CCNL2: variants seen among roughly 807,000 people sequenced by gnomAD.
CCNL2 encodes cyclin-L2.
CCNL2 carries 28 observed loss-of-function variants against 59.1 expected under a neutral mutation model. The ratio of observed to expected loss-of-function variants is 0.47; its 90% CI spans 0.35 to 0.65. The LOEUF (loss-of-function observed/expected upper bound fraction) is 0.65. Ranked by LOEUF, CCNL2 falls within the 30% of genes least tolerant of loss-of-function variation. The pLI is 0.00. For synonymous variants in CCNL2, 342 were observed against 288.6 expected (o/e 1.19, Z -1.88); for missense variants, 714 against 717.4 (o/e 1.00, Z 0.05).
chr1:1,394,559 G>A (rs560418163), intron 4 of CCNL2, among the ~76,000 whole-genome samples: 6 of 151,876 alleles, frequency 4.0e-5, no homozygotes, highest in East Asian at 3.9e-4. Context: ...AGACCAGCCC[G>A]GCCAACATGA....
chr1:1,394,701 GA>G (rs960395413), intron 4 of CCNL2, among the ~76,000 whole-genome samples: 16 of 136,838 alleles, frequency 1.2e-4, no homozygotes, highest in African/African-American at 3.8e-4. Context: ...AGTGAGCCAA[GA>G]TTGCACCACT....
intron 8 of CCNL2, chr1:1,388,439 T>TGG: frequency 4.5e-6 from 2 of 440,432 alleles, no homozygotes; most frequent in Non-Finnish European, 9.0e-6. Context: ...AAGAATCGCT[T>TGG]GGACCCAGGA....
intron 4 of CCNL2, 93 bp from the exon 5 acceptor site, chr1:1,393,553 A>G: frequency 2.7e-6 from 3 of 1,124,422 alleles, no homozygotes; most frequent in Non-Finnish European, 4.0e-6. Context: ...AAGAGCCTCA[A>G]GCTAGATCCC....
At chr1:1,398,954 C>T (rs1441453337) in intron 1 of CCNL2, 65 bp downstream of exon 1, 1 of 1,494,614 alleles carries the variant, frequency 6.7e-7, no homozygotes, top group Admixed American at 2.2e-5. Context: ...CCCGACTCGC[C>T]GCCAACAAAG....
chr1:1,392,972 G>T, intron 5 of CCNL2: 1 of 699,630 alleles, frequency 1.4e-6, no homozygotes, highest in South Asian at 1.8e-5. Flanking sequence ...TGCACTTTAG[G>T]GTTCCTTTCT....
chr1:1,392,210 A>G (rs1644799217), intron 5 of CCNL2: 1 of 573,778 alleles, frequency 1.7e-6, no homozygotes, highest in Non-Finnish European at 2.2e-6. Context: ...TTCGGTGTCT[A>G]ATCAACAACT....
At chr1:1,398,868 G>C in intron 1 of CCNL2, 151 bp downstream of exon 1, 1 of 1,399,600 alleles carries the variant, frequency 7.1e-7, no homozygotes. Context: ...CAGGGGCATG[G>C]GCTGGCTAGG....
Position 1,386,865 on chromosome 1 carries a change from G to GT in CCNL2, c.*365dup. ...ATCTTTCTTGGCTTCACGTAATTGA[G>GT]TATCAGTCGGGGAGTGGAGAGCGGC... On this transcript the variant is annotated 3_prime_UTR_variant, in exon 11 of 11. Transcript: ENST00000400809. 1 of 205,728 alleles carries GT rather than the reference G, an allele frequency of 4.9e-6. No homozygotes were observed. The highest frequency in any genetic ancestry group is 9.1e-6 in the Non-Finnish European group (1 of 110,108). The allele number at this position is 205,728 out of a possible 1,614,324, so 12.7% of individuals were successfully genotyped here.
chr1:1,398,340 A>G lies in CCNL2; in HGVS notation c.366T>C (p.His122=). 3 of 1,614,000 alleles carry G rather than the reference A, an allele frequency of 1.9e-6. No individual in the cohort carries two copies. The highest frequency in any genetic ancestry group is 2.5e-6 in the Non-Finnish European group (3 of 1,179,950). Reference sequence around the variant, plus strand: ...CCAGGTGGACACAGGCCATTGACACATGCTGAAGCGGAAGCATTGCAACAC... The same window carrying G: ...CCAGGTGGACACAGGCCATTGACACGTGCTGAAGCGGAAGCATTGCAACAC... ...TKSFVKHSME[H]VSMACVHLAS... The change falls in exon 3 of 11, where the codon CAT becomes CAC. Residue 122 remains histidine, a splice_region_variant and synonymous_variant. Coordinates refer to ENST00000400809, the MANE Select transcript of CCNL2 (RefSeq NM_030937.6).
At position 1,388,168 on chromosome 1, in the gene CCNL2, C is replaced by T. The variant is rs546582270; in HGVS notation, c.1007-103G>A. The T allele has an allele frequency of 2.6e-5, 22 of 851,850 alleles. No homozygotes were observed. In the East Asian group the frequency reaches 2.7e-4, roughly 10 times the overall value. 52.8% of individuals were successfully genotyped at this position (851,850 alleles called of 1,614,324 possible). ...GGCCCCTCTACAGGTCAAACAGCGA[C>T]GCAAGCAGACTGTAACTTCCGGCTC... On this transcript the variant is annotated intron_variant, in intron 8 of 10. Transcript: ENST00000400809.
intron 4 of CCNL2, 189 bp downstream of exon 4, chr1:1,395,205 A>G: frequency 1.9e-6 from 1 of 534,302 alleles, no homozygotes; most frequent in Non-Finnish European, 3.2e-6. Context: ...GTGTTACTAA[A>G]ATAAACAGCT....
rs1569979461 is a variant in CCNL2 at position 1,395,339 on chromosome 1, GC to G, written c.594+54del. The G allele has an allele frequency of 3.1e-6, 5 of 1,599,408 alleles. No homozygotes were observed. In the African/African-American group the frequency reaches 6.7e-5, roughly 21 times the overall value. On this transcript the variant is annotated intron_variant, in intron 4 of 10. Coordinates refer to ENST00000400809, the MANE Select transcript of CCNL2 (RefSeq NM_030937.6). ...AACTGCACTGAGGTGGAGAGAGGCG[GC>G]CAGGCAGGAGCAGCGGCCTAGGCGG...
intron 1 of CCNL2, 37 bp downstream of exon 1, chr1:1,398,982 G>C (rs772167542): frequency 6.4e-7 from 1 of 1,559,132 alleles, no homozygotes; most frequent in Non-Finnish European, 8.7e-7. Context: ...CCGCCCCAGC[G>C]GTTACCTGGG....
chr1:1,396,768 A>G (rs1167958525), intron 3 of CCNL2, among the ~76,000 whole-genome samples: 1 of 142,730 alleles, frequency 7.0e-6, no homozygotes, highest in Non-Finnish European at 1.5e-5. Flanking sequence ...TTTTTTTTTG[A>G]GACGGAGTCT....
At position 1,390,326 on chromosome 1, in the gene CCNL2, C is replaced by T. The variant is rs746945804; in HGVS notation, c.910G>A (p.Ala304Thr). ...LEGEVEKRKH[A>T]IEEAKAQARG... Reference sequence around the variant, plus strand: ...GCTTGGGCCTTTGCCTCTTCGATAGCGTGCTTTCTTTTTTCCACTTCACCC... The same window carrying T: ...GCTTGGGCCTTTGCCTCTTCGATAGTGTGCTTTCTTTTTTCCACTTCACCC... Residue 304 changes from alanine to threonine, a missense_variant, in exon 8 of 11, where the codon GCT (alanine) becomes ACT (threonine). Physicochemically the swap from Ala to Thr is moderately conservative, Grantham distance 58. Transcript: ENST00000400809. The T allele has an allele frequency of 1.1e-5, 18 of 1,613,984 alleles. No individual in the cohort carries two copies. The highest frequency in any genetic ancestry group is 1.6e-4 in the Middle Eastern group (1 of 6,062).
Position 1,387,319 on chromosome 1 carries a change from T to G in CCNL2, c.1475A>C (p.Asp492Ala). The G allele has an allele frequency of 6.2e-7, 1 of 1,614,046 alleles. No homozygotes were observed. Residue 492 changes from aspartate to alanine, a missense_variant, in exon 11 of 11, where the codon GAT (aspartate) becomes GCT (alanine). This residue lies in a region of CCNL2 where 403 missense variants were observed against 377.7 expected (regional missense o/e 1.07). Coordinates refer to ENST00000400809, the MANE Select transcript of CCNL2 (RefSeq NM_030937.6). ...KYKKKSHYYR[D>A]QRRERSRSYE... Reference sequence around the variant, plus strand: ...CGACCTCGAGCGCTCTCGTCGCTGATCTCTGTAGTAATGACTTTTCTTCTT... The same window carrying G: ...CGACCTCGAGCGCTCTCGTCGCTGAGCTCTGTAGTAATGACTTTTCTTCTT...
Position 1,390,326 on chromosome 1 carries a change from C to G in CCNL2, c.910G>C (p.Ala304Pro). The G allele has an allele frequency of 6.2e-7, 1 of 1,613,984 alleles. No homozygotes were observed. Among genetic ancestry groups the G allele is most frequent in the Non-Finnish European group, 8.5e-7 (1 of 1,179,900 alleles). ...GCTTGGGCCTTTGCCTCTTCGATAGCGTGCTTTCTTTTTTCCACTTCACCC... is the reference window on the plus strand; with the variant it reads ...GCTTGGGCCTTTGCCTCTTCGATAGGGTGCTTTCTTTTTTCCACTTCACCC... ...LEGEVEKRKH[A>P]IEEAKAQARG... The change falls in exon 8 of 11, where the codon GCT becomes CCT. Residue 304 changes from alanine to proline, a missense_variant. This residue lies in a region of CCNL2 where 403 missense variants were observed against 377.7 expected (regional missense o/e 1.07). Transcript: ENST00000400809.
At position 1,398,180 on chromosome 1, in the gene CCNL2, G is replaced by A. The variant is rs1374619713; in HGVS notation, c.473+53C>T. 5 of 1,541,868 alleles carry A rather than the reference G, an allele frequency of 3.2e-6. No homozygotes were observed. The South Asian group carries it at 4.5e-5, about 14-fold the overall frequency. On this transcript the variant is annotated intron_variant, in intron 3 of 10. Transcript: ENST00000400809. ...TACAAGCCTTACTGTAACTTAATCA[G>A]AAATAAAGAAAATAGGCATCTATGA...
chr1:1,393,306 TG>T, intron 5 of CCNL2, 89 bp downstream of exon 5: 1 of 1,038,948 alleles, frequency 9.6e-7, no homozygotes, highest in South Asian at 1.3e-5. Flanking sequence ...ACCAAGTCAC[TG>T]GGCTGCCTAC....
Sources: gnomAD v4.1 joint callset for allele counts (sites outside exome capture counted in the v4.1 genomes callset) on GRCh38, gnomAD v4.1.1 for gene constraint, gnomAD v4.1.1 regional missense constraint, MANE v1.5 for transcripts, NCBI Gene and HGNC (gene_info 2026-07-23, HGNC 2026-07-21) for gene names.